NCOA2: variants seen among roughly 807,000 people sequenced by gnomAD.
NCOA2 encodes the protein nuclear receptor coactivator 2.
Under a neutral mutation model 145.1 loss-of-function variants are expected in NCOA2, and 21 were observed. The observed-to-expected ratio is 0.14, with a 90% CI of 0.10 to 0.21. The LOEUF (loss-of-function observed/expected upper bound fraction) is 0.21. NCOA2 is among the 10% of genes least tolerant of loss of function. The pLI is 1.00. For synonymous variants in NCOA2, 619 were observed against 637.5 expected (o/e 0.97, Z 0.44); for missense variants, 1,472 against 1,837.6 (o/e 0.80, Z 3.64).
At chr8:70,195,530 G>A (rs1286847294) in intron 4 of NCOA2, among the ~76,000 whole-genome samples, 2 of 152,112 alleles carry the variant, frequency 1.3e-5, no homozygotes, top group Non-Finnish European at 2.9e-5. Flanking sequence ...TCAGCCTAGA[G>A]GGAATTCTGC....
rs34990647 is a variant in NCOA2 at position 70,203,261 on chromosome 8, C to CAAAAA, written c.259+10637_259+10641dup. ...CTGGTGATAGAACAAGACTCTGTCT[C>CAAAAA]AAAAAAAAAAAGAAAAAAGAAAGAG... On this transcript the variant is annotated intron_variant, in intron 4 of 22. Coordinates refer to ENST00000452400, the MANE Select transcript of NCOA2 (RefSeq NM_006540.4). 9.8e-5 allele frequency among the ~76,000 whole-genome samples: 12 copies of CAAAAA among 121,966 alleles called. 3 individuals carry two copies. Among genetic ancestry groups the CAAAAA allele is most frequent in the Admixed American group, 1.8e-4 (2 of 11,144 alleles). The allele number at this position is 121,966 out of a possible 152,430, so 80.0% of individuals were successfully genotyped here.
At chr8:70,242,456 A>G (rs977352590) in intron 2 of NCOA2, among the ~76,000 whole-genome samples, 2 of 152,162 alleles carry the variant, frequency 1.3e-5, no homozygotes, top group East Asian at 1.9e-4. Flanking sequence ...AAGAGCCATC[A>G]CTACTAAAAC....
intron 6 of NCOA2, among the ~76,000 whole-genome samples, chr8:70,168,121 A>G (rs1813840278): frequency 6.6e-6 from 1 of 152,234 alleles, no homozygotes; most frequent in South Asian, 2.1e-4. Context: ...TAGGTGTTAC[A>G]GCGAATCCAA....
chr8:70,446,054 A>G, the NCOA2 span, among the ~76,000 whole-genome samples: 84 of 148,916 alleles, frequency 5.6e-4, no homozygotes, highest in Admixed American at 2.0e-4. Flanking sequence ...TTTTTTTTCC[A>G]GCTTTCTGGA....
At chr8:70,236,068 A>G (rs533944912) in intron 2 of NCOA2, among the ~76,000 whole-genome samples, 1 of 152,162 alleles carries the variant, frequency 6.6e-6, no homozygotes, top group South Asian at 2.1e-4. Context: ...CGCCCCCAAA[A>G]TGCCCCATGT....
rs59729036 is a variant in NCOA2, at chr8:70,230,594, T to C, written c.-19-13830A>G. Among the ~76,000 whole-genome samples the C allele has an allele frequency of 3.8e-3, 577 of 152,338 alleles. 34 individuals are homozygous for C. The East Asian group carries it at 0.1, about 28-fold the overall frequency. On this transcript the variant is annotated intron_variant, in intron 2 of 22. Coordinates refer to ENST00000452400, the MANE Select transcript of NCOA2 (RefSeq NM_006540.4). ...AGTATTTAGAAAACACACTGGGGAT[T>C]ACTATGAGCAAGGACTTCTCTAGCA...
At chr8:70,203,447 AC>A (rs1235275510) in intron 4 of NCOA2, among the ~76,000 whole-genome samples, 33 of 152,178 alleles carry the variant, frequency 2.2e-4, no homozygotes, top group Middle Eastern at 6.8e-3. Flanking sequence ...TTTTAAAAAA[AC>A]AAACCCAAAA....
chr8:70,122,744 G>A (rs1368068344), intron 21 of NCOA2, among the ~76,000 whole-genome samples: 2 of 152,172 alleles, frequency 1.3e-5, no homozygotes, highest in African/African-American at 4.8e-5. Context: ...CGGAAGCTCT[G>A]TAATAGTTCT....
intron 22 of NCOA2, among the ~76,000 whole-genome samples, chr8:70,117,566 AC>A (rs1807287204): frequency 6.6e-6 from 1 of 152,234 alleles, no homozygotes; most frequent in Non-Finnish European, 1.5e-5. Context: ...AGGGAGTGGC[AC>A]CAAAGAAGAA....
intron 21 of NCOA2, among the ~76,000 whole-genome samples, chr8:70,121,840 T>C (rs1040562147): frequency 2.6e-5 from 4 of 152,254 alleles, no homozygotes; most frequent in African/African-American, 4.8e-5. Flanking sequence ...CTGGACTTTG[T>C]CAATTTACTC....
chr8:70,194,554 T>C (rs1049664989), intron 4 of NCOA2, among the ~76,000 whole-genome samples: 3 of 152,106 alleles, frequency 2.0e-5, no homozygotes, highest in African/African-American at 7.2e-5. Flanking sequence ...CCTCATCTGC[T>C]CACATAGGGG....
At chr8:70,253,770 A>T (rs1401611679) in intron 2 of NCOA2, among the ~76,000 whole-genome samples, 1 of 152,204 alleles carries the variant, frequency 6.6e-6, no homozygotes, top group Non-Finnish European at 1.5e-5. Flanking sequence ...ACAAGATCTA[A>T]ATGTAAGAGA....
intron 2 of NCOA2, among the ~76,000 whole-genome samples, chr8:70,235,281 G>C (rs1180573945): frequency 6.6e-6 from 1 of 152,128 alleles, no homozygotes; most frequent in East Asian, 1.9e-4. Context: ...GATTATCAGG[G>C]GCTGGGGAGT....
chr8:70,203,443 AAAAACAAACCC>A (rs910634582), intron 4 of NCOA2, among the ~76,000 whole-genome samples: 3 of 152,048 alleles, frequency 2.0e-5, no homozygotes, highest in Non-Finnish European at 2.9e-5. Context: ...TTGTTTTTAA[AAAAACAAACCC>A]AAAACAAACA....
At chr8:70,139,842 C>T (rs963081703) in intron 14 of NCOA2, among the ~76,000 whole-genome samples, 4 of 151,412 alleles carry the variant, frequency 2.6e-5, no homozygotes, top group African/African-American at 7.3e-5. Flanking sequence ...TAGCAGAGAC[C>T]GGGTTTCACC....
Position 70,113,545 on chromosome 8 carries a change from T to TAA in NCOA2, c.*86_*87insTT, listed in dbSNP as rs1806738011. The TAA allele has an allele frequency of 1.4e-6, 2 of 1,475,950 alleles. No homozygotes were observed. Among genetic ancestry groups the TAA allele is most frequent in the African/African-American group, 1.4e-5 (1 of 71,378 alleles). 91.4% of individuals were successfully genotyped at this position (1,475,950 alleles called of 1,614,324 possible). ...GAACCGGCTGGCAGGTCAGTTGGGT[T>TAA]GAAACAAATAGACACAGCTCTCCAG... On this transcript the variant is annotated 3_prime_UTR_variant, in exon 23 of 23. Coordinates refer to ENST00000452400, the MANE Select transcript of NCOA2 (RefSeq NM_006540.4).
At chr8:70,221,804 T>C (rs1820158488) in intron 2 of NCOA2, among the ~76,000 whole-genome samples, 1 of 152,190 alleles carries the variant, frequency 6.6e-6, no homozygotes. Context: ...AGTAGAACTA[T>C]GTGGATTTAC....
chr8:70,231,841 CTCTA>C (rs1821164785), intron 2 of NCOA2, among the ~76,000 whole-genome samples: 1 of 152,124 alleles, frequency 6.6e-6, no homozygotes, highest in Admixed American at 6.6e-5. Flanking sequence ...CATAGAACGC[CTCTA>C]TCTATCTTCC....
At chr8:70,123,481 C>A (rs982121955) in intron 21 of NCOA2, among the ~76,000 whole-genome samples, 1 of 152,062 alleles carries the variant, frequency 6.6e-6, no homozygotes, top group Non-Finnish European at 1.5e-5. Flanking sequence ...AGTGCCACTG[C>A]GCTCCAGCCT....
Sources: allele counts gnomAD v4.1 joint callset (sites outside exome capture counted in the v4.1 genomes callset), GRCh38; gene constraint gnomAD v4.1.1; transcripts MANE v1.5; gene names NCBI Gene and HGNC (gene_info 2026-07-23, HGNC 2026-07-21).